The following SFSWAP variants were observed in gnomAD, a reference collection of about 807,000 sequenced individuals.
SFSWAP encodes the protein splicing factor, suppressor of white-apricot homolog.
In SFSWAP, 17 loss-of-function variants were observed where a neutral mutation model predicts 100.7. The observed-to-expected ratio is 0.17, with a 90% CI of 0.12 to 0.25. The LOEUF (loss-of-function observed/expected upper bound fraction) is 0.25. Among genes scored for constraint, SFSWAP ranks in the 10% least tolerant of loss-of-function variants. The pLI, the probability that SFSWAP is intolerant of heterozygous loss-of-function variation, is 1.00. For missense variants in SFSWAP, 1,005 were observed against 1,262.6 expected, an observed-to-expected ratio of 0.80 and a Z score of 3.09; for synonymous variants, 504 against 510.1, an observed-to-expected ratio of 0.99 and a Z score of 0.16.
intron 7 of SFSWAP, among the ~76,000 whole-genome samples, chr12:131,729,526 C>T (rs998338057): frequency 1.3e-5 from 2 of 152,108 alleles, no homozygotes; most frequent in South Asian, 4.1e-4. Context: ...GAAAAAGAGG[C>T]TTACAGCATA....
intron 7 of SFSWAP, among the ~76,000 whole-genome samples, chr12:131,752,726 A>G (rs114567994): frequency 6.6e-4 from 101 of 152,350 alleles, no homozygotes; most frequent in African/African-American, 2.4e-3. Flanking sequence ...ATTTCCTCAC[A>G]TGTGCATTTA....
chr12:131,767,138 C>T (rs1883181455), intron 13 of SFSWAP, among the ~76,000 whole-genome samples: 1 of 104,672 alleles, frequency 9.6e-6, no homozygotes, highest in Non-Finnish European at 2.0e-5. Flanking sequence ...GGGATTGCTC[C>T]CATGCGTGTC....
At chr12:131,753,891 C>T (rs988539249) in intron 8 of SFSWAP, among the ~76,000 whole-genome samples, 8 of 152,134 alleles carry the variant, frequency 5.3e-5, no homozygotes, top group Admixed American at 1.3e-4. Context: ...ATGAGACAGG[C>T]GCTTTACCAG....
At chr12:131,720,247 ATTATC>A (rs1469644544) in intron 4 of SFSWAP, among the ~76,000 whole-genome samples, 1 of 152,068 alleles carries the variant, frequency 6.6e-6, no homozygotes. Context: ...TTTTTTACAT[ATTATC>A]TTATTTAATG....
intron 13 of SFSWAP, among the ~76,000 whole-genome samples, chr12:131,768,515 C>G (rs148900578): frequency 6.6e-6 from 1 of 152,114 alleles, no homozygotes; most frequent in South Asian, 2.1e-4. Flanking sequence ...TAATAACTGA[C>G]GGGCAAGGAG....
chr12:131,796,082 G>GAAAT (rs1278718908), intron 15 of SFSWAP: 1 of 146,294 alleles, frequency 6.8e-6, no homozygotes, highest in Admixed American at 7.0e-5. Context: ...AGGAAGGAAG[G>GAAAT]AAATCAGTGA....
rs529187164 is a variant in SFSWAP at position 131,740,570 on chromosome 12, G to C, written c.1081+12142G>C. 2.6e-4 allele frequency among the ~76,000 whole-genome samples: 39 copies of C among 152,254 alleles called. 1 individual carries two copies. In the South Asian group the frequency reaches 7.7e-3, roughly 30 times the overall value. ...GTCCCACGCATTGGTGCCTCTGCTTGAAGGACACAGTCTCTTGGTTCGGGT... is the reference window on the plus strand; with the variant it reads ...GTCCCACGCATTGGTGCCTCTGCTTCAAGGACACAGTCTCTTGGTTCGGGT... On this transcript the variant is annotated intron_variant, in intron 7 of 17. Coordinates refer to ENST00000261674, the MANE Select transcript of SFSWAP (RefSeq NM_004592.4).
chr12:131,778,164 C>T lies in SFSWAP; in HGVS notation c.2242C>T (p.Pro748Ser). 6.2e-7 allele frequency: 1 copy of T among 1,613,236 alleles called. No homozygotes were observed. Among genetic ancestry groups the T allele is most frequent in the Non-Finnish European group, 8.5e-7 (1 of 1,179,776 alleles). Reference protein sequence around the residue: ...PDRPSSKSKDPPREEEKEKKK... With the variant: ...PDRPSSKSKDSPREEEKEKKK... ...TAGGCCTTCGAGCAAAAGCAAAGATCCACCGAGAGAAGAAGAGAAAGAAAA... is the reference window on the plus strand; with the variant it reads ...TAGGCCTTCGAGCAAAAGCAAAGATTCACCGAGAGAAGAAGAGAAAGAAAA... Residue 748 changes from proline (P) to serine (S), a missense_variant, in exon 14 of 18, where the codon CCA (proline) becomes TCA (serine). Pro to Ser is a moderately conservative substitution (Grantham distance 74). Coordinates refer to ENST00000261674, the MANE Select transcript of SFSWAP (RefSeq NM_004592.4). This position sits in a 1 kb window ranked among gnomAD's most constrained non-coding sequence, Gnocchi z 4.2.
In SFSWAP at chr12:131,755,604, A is replaced by C. The variant is rs142810010; in HGVS notation, c.1548+125A>C. ...CTGGGTGATTCTTCACCTTTTTTTA[A>C]TGTGTGTCTGGCATACTCCATCTTT... On this transcript the variant is annotated intron_variant, in intron 10 of 17. Coordinates refer to ENST00000261674, the MANE Select transcript of SFSWAP (RefSeq NM_004592.4). 5.6e-5 allele frequency: 37 copies of C among 661,946 alleles called. No individual in the cohort carries two copies. In the East Asian group the frequency reaches 9.3e-4, roughly 17 times the overall value. 41.0% of individuals were successfully genotyped at this position (661,946 alleles called of 1,614,324 possible). A position where few individuals can be genotyped will look rare whatever the true frequency, so the allele number is the denominator to read the frequency against.
chr12:131,799,209 A>G (rs1885895044), intron 17 of SFSWAP, 100 bp downstream of exon 17: 2 of 1,107,792 alleles, frequency 1.8e-6, no homozygotes, highest in Non-Finnish European at 2.7e-6. Context: ...TGTCCCTGTC[A>G]TGGGACAGGG....
Position 131,766,175 on chromosome 12 carries a change from C to T in SFSWAP, c.2009C>T (p.Ala670Val). 3 of 1,614,044 alleles carry T rather than the reference C, an allele frequency of 1.9e-6. No homozygotes were observed. The highest frequency in any genetic ancestry group is 2.5e-6 in the Non-Finnish European group (3 of 1,180,006). ...AAAAREKLAQ[A>V]SKESKEKQLQ... is the part of the protein sequence containing the mutation. The stretch of plus-strand genomic sequence containing the variant: ...GCTGCCCGGGAAAAGCTGGCCCAGG[C>T]GTCTAAGGAGTCAAAAGAGAAACAG... Residue 670 changes from alanine to valine, a missense_variant, in exon 13 of 18, where the codon GCG (alanine) becomes GTG (valine). By Grantham distance (64) the Ala-to-Val change is moderately conservative. Coordinates refer to ENST00000261674, the MANE Select transcript of SFSWAP (RefSeq NM_004592.4).
At chr12:131,719,247 C>T (rs756105562) in intron 3 of SFSWAP, among the ~76,000 whole-genome samples, 2 of 152,000 alleles carry the variant, frequency 1.3e-5, no homozygotes, top group Non-Finnish European at 2.9e-5. Flanking sequence ...CCACCTCCCC[C>T]CACCACCCCA....
At chr12:131,793,257 T>TA (rs1885405735) in intron 15 of SFSWAP, among the ~76,000 whole-genome samples, 2 of 151,908 alleles carry the variant, frequency 1.3e-5, no homozygotes, top group African/African-American at 4.8e-5. Flanking sequence ...AATTTTTTTT[T>TA]ATTGTGTGTA....
chr12:131,743,112 G>A (rs948714533), intron 7 of SFSWAP, among the ~76,000 whole-genome samples: 10 of 152,232 alleles, frequency 6.6e-5, no homozygotes, highest in Admixed American at 3.3e-4. Flanking sequence ...AATAGTGGTA[G>A]TTATAATTCA....
intron 13 of SFSWAP, among the ~76,000 whole-genome samples, chr12:131,773,367 TCTCA>T (rs1188048125): frequency 2.9e-4 from 44 of 151,984 alleles, no homozygotes; most frequent in African/African-American, 1.0e-3. Flanking sequence ...TTTGAGAGAG[TCTCA>T]CTCTGTCGCC....
rs994696942 is a variant in SFSWAP at position 131,778,581 on chromosome 12, G to A, written c.2408+251G>A. ...TGCCCAGGCTAGAGTGCAGTGGTGC[G>A]ATCTTGGCTCACTGCAACCTCCGCT... is the stretch of plus-strand genomic sequence containing the variant. On this transcript the variant is annotated intron_variant, in intron 14 of 17. Coordinates refer to ENST00000261674, the MANE Select transcript of SFSWAP (RefSeq NM_004592.4). The surrounding 1 kb of genome is among the most constrained non-coding windows in gnomAD (Gnocchi z 4.2). Among the ~76,000 whole-genome samples, 3 of 152,116 alleles carry A rather than the reference G, an allele frequency of 2.0e-5. No individual in the cohort carries two copies. Among genetic ancestry groups the A allele is most frequent in the Non-Finnish European group, 4.4e-5 (3 of 68,014 alleles).
At chr12:131,727,104 TA>T (rs772676061) in intron 6 of SFSWAP, 52 bp downstream of exon 6, 9 of 1,125,048 alleles carry the variant, frequency 8.0e-6, no homozygotes, top group Non-Finnish European at 1.2e-5. Context: ...AAACTTCTGC[TA>T]ATGTAATTTT....
intron 7 of SFSWAP, among the ~76,000 whole-genome samples, chr12:131,743,015 C>T (rs920297331): frequency 6.6e-6 from 1 of 152,202 alleles, no homozygotes; most frequent in Non-Finnish European, 1.5e-5. Flanking sequence ...TCTCATAAGA[C>T]TCATTCACTA....
intron 7 of SFSWAP, among the ~76,000 whole-genome samples, chr12:131,731,517 T>C (rs918571734): frequency 6.6e-6 from 1 of 152,148 alleles, no homozygotes; most frequent in Non-Finnish European, 1.5e-5. Context: ...ACAGCAGTCA[T>C]TGATCTACCC....
Sources: gnomAD v4.1 joint callset for allele counts (sites outside exome capture counted in the v4.1 genomes callset) on GRCh38, gnomAD v4.1.1 for gene constraint, Gnocchi (gnomAD v3.1) non-coding constraint, MANE v1.5 for transcripts, NCBI Gene and HGNC (gene_info 2026-07-23, HGNC 2026-07-21) for gene names.